Variants in SASH1 observed in about 807,000 individuals in gnomAD.
SASH1 encodes the protein SAM and SH3 domain-containing protein 1.
Under a neutral mutation model 125.2 loss-of-function variants are expected in SASH1, and 44 were observed. The ratio of observed to expected loss-of-function variants is 0.35; its 90% CI spans 0.28 to 0.45. The LOEUF (loss-of-function observed/expected upper bound fraction) is 0.45. Among genes scored for constraint, SASH1 ranks in the 20% least tolerant of loss-of-function variants. The pLI, the probability that SASH1 is intolerant of heterozygous loss-of-function variation, is 1.00. For synonymous variants in SASH1, 639 were observed against 649.1 expected, an observed-to-expected ratio of 0.98 and a Z score of 0.24; for missense variants, 1,426 against 1,614.5, an observed-to-expected ratio of 0.88 and a Z score of 2.00.
intron 1 of SASH1, among the ~76,000 whole-genome samples, chr6:148,347,816 T>C (rs1007768638): frequency 5.9e-5 from 9 of 152,094 alleles, no homozygotes; most frequent in Admixed American, 2.0e-4. Flanking sequence ...TGCAGGGTTA[T>C]GTACTGGAAG....
chr6:148,252,668 AG>A, the SASH1 span, among the ~76,000 whole-genome samples: 1 of 152,020 alleles, frequency 6.6e-6, no homozygotes, highest in Non-Finnish European at 1.5e-5. Flanking sequence ...TAGTAGAGGC[AG>A]GGTTTCGCCA....
chr6:148,401,467 AAT>A (rs1562382307), intron 2 of SASH1, among the ~76,000 whole-genome samples: 2 of 152,128 alleles, frequency 1.3e-5, no homozygotes, highest in Non-Finnish European at 2.9e-5. Flanking sequence ...TTGACAGGTC[AAT>A]CTGTGTATTA....
Position 148,527,547 on chromosome 6 carries a change from C to A in SASH1, c.1379C>A (p.Thr460Lys). The stretch of plus-strand genomic sequence containing the variant: ...AAAAAGGTGAAATCAGTGAAAGAGA[C>A]GATGAGAAAGAGAATGTCTAAAAAA... The part of the protein sequence containing the change: ...LGKKVKSVKE[T>K]MRKRMSKKYS... The change falls in exon 12 of 20, where the codon ACG (threonine) becomes AAG (lysine). Residue 460 changes from threonine to lysine, a missense_variant. By Grantham distance (78) the Thr-to-Lys change is moderately conservative (BLOSUM62 -1). Coordinates refer to ENST00000367467, the MANE Select transcript of SASH1 (RefSeq NM_015278.5). The A allele has an allele frequency of 1.2e-6, 2 of 1,610,458 alleles. No homozygotes were observed. Among genetic ancestry groups the A allele is most frequent in the Middle Eastern group, 1.7e-4 (1 of 6,052 alleles).
intron 1 of SASH1, among the ~76,000 whole-genome samples, chr6:148,327,976 G>T (rs1484576706): frequency 6.7e-6 from 1 of 149,286 alleles, no homozygotes; most frequent in Non-Finnish European, 1.5e-5. Context: ...AAAGAAAAAA[G>T]AACACAAAAA....
chr6:148,318,728 C>A (rs1318491341), intron 1 of SASH1, among the ~76,000 whole-genome samples: 1 of 151,700 alleles, frequency 6.6e-6, no homozygotes, highest in African/African-American at 2.4e-5. Context: ...AATTTTTATA[C>A]TTTTAATAGA....
intron 2 of SASH1, among the ~76,000 whole-genome samples, chr6:148,436,435 G>A (rs1776293115): frequency 6.6e-6 from 1 of 151,854 alleles, no homozygotes; most frequent in South Asian, 2.1e-4. Flanking sequence ...AGCCTGGAAG[G>A]TCAAGGCTGC....
chr6:148,538,781 T>C (rs1232663364), intron 16 of SASH1, among the ~76,000 whole-genome samples: 2 of 152,202 alleles, frequency 1.3e-5, no homozygotes, highest in Non-Finnish European at 2.9e-5. Flanking sequence ...TTTCTTTTTT[T>C]CTTTGTGTAT....
intron 1 of SASH1, among the ~76,000 whole-genome samples, chr6:148,285,294 CT>C (rs1779453375): frequency 1.3e-5 from 2 of 152,236 alleles, no homozygotes; most frequent in African/African-American, 4.8e-5. Flanking sequence ...CATCTCTGGC[CT>C]TAGAAAAGTT....
At chr6:148,294,254 A>T (rs1779707184) in intron 1 of SASH1, among the ~76,000 whole-genome samples, 1 of 152,250 alleles carries the variant, frequency 6.6e-6, no homozygotes, top group African/African-American at 2.4e-5. Flanking sequence ...AATTCAAATG[A>T]GGCTACACAG....
In SASH1 at chr6:148,470,700, G is replaced by A. The variant is rs150587481; in HGVS notation, c.428-717G>A. On this transcript the variant is annotated intron_variant, in intron 5 of 19. Coordinates refer to ENST00000367467, the MANE Select transcript of SASH1 (RefSeq NM_015278.5). Reference sequence around the variant, plus strand: ...GTCATCTGGAAAGGATCGGGGGTGCGGTGGGTAGAGGGAGACCCATTTGGG... The same window carrying A: ...GTCATCTGGAAAGGATCGGGGGTGCAGTGGGTAGAGGGAGACCCATTTGGG... Among the ~76,000 whole-genome samples the A allele has an allele frequency of 7.0e-3, 1,060 of 152,268 alleles. 8 individuals carry two copies. The highest frequency in any genetic ancestry group is 0.024 in the Middle Eastern group (7 of 294).
intron 8 of SASH1, among the ~76,000 whole-genome samples, chr6:148,493,643 C>A (rs950742983): frequency 6.6e-6 from 1 of 152,184 alleles, no homozygotes; most frequent in East Asian, 1.9e-4. Flanking sequence ...GCTTCCCCAC[C>A]CCAATCGCTG....
chr6:148,442,483 G>A (rs1776585312), intron 4 of SASH1, among the ~76,000 whole-genome samples: 1 of 152,076 alleles, frequency 6.6e-6, no homozygotes, highest in Non-Finnish European at 1.5e-5. Context: ...ATCTTCACGT[G>A]GGCCACCAGT....
intron 2 of SASH1, among the ~76,000 whole-genome samples, chr6:148,392,956 T>G (rs759801408): frequency 6.6e-6 from 1 of 152,142 alleles, no homozygotes; most frequent in East Asian, 1.9e-4. Flanking sequence ...GCATAGTTAA[T>G]GAAAAAATAC....
the SASH1 span, among the ~76,000 whole-genome samples, chr6:148,252,029 C>T: frequency 1.1e-4 from 16 of 152,014 alleles, no homozygotes; most frequent in Non-Finnish European, 2.1e-4. Flanking sequence ...AAAAGCTACA[C>T]GTTAAGTCTT....
chr6:148,263,748 A>G, the SASH1 span, among the ~76,000 whole-genome samples: 1 of 152,194 alleles, frequency 6.6e-6, no homozygotes, highest in Non-Finnish European at 1.5e-5. Flanking sequence ...TTGGACTTTT[A>G]GAGCTGTAAA....
chr6:148,505,722 C>G (rs986754516), intron 8 of SASH1, among the ~76,000 whole-genome samples: 1 of 152,026 alleles, frequency 6.6e-6, no homozygotes, highest in African/African-American at 2.4e-5. Context: ...ACTGCAACCT[C>G]TGCCTCCCAG....
At chr6:148,488,821 G>T (rs1184559185) in intron 8 of SASH1, among the ~76,000 whole-genome samples, 1 of 152,140 alleles carries the variant, frequency 6.6e-6, no homozygotes, top group African/African-American at 2.4e-5. Flanking sequence ...CAGTTATGTT[G>T]TTTTGCTGCT....
At chr6:148,223,602 T>C in the SASH1 span, among the ~76,000 whole-genome samples, 14 of 152,356 alleles carry the variant, frequency 9.2e-5, no homozygotes, top group South Asian at 2.1e-3. Context: ...TTAAATGTGA[T>C]GTCTCAGATT....
At chr6:148,260,818 T>C in the SASH1 span, among the ~76,000 whole-genome samples, 488 of 131,152 alleles carry the variant, frequency 3.7e-3, 1 homozygote, top group Non-Finnish European at 6.3e-3. Flanking sequence ...TTTTTTTTTT[T>C]TGAGAGAGGG....
Sources: gnomAD v4.1 joint callset for allele counts (sites outside exome capture counted in the v4.1 genomes callset) on GRCh38, gnomAD v4.1.1 for gene constraint, MANE v1.5 for transcripts, NCBI Gene and HGNC (gene_info 2026-07-23, HGNC 2026-07-21) for gene names.